The following SSH2 variants were observed in gnomAD, a reference collection of about 807,000 sequenced individuals.
The protein encoded by SSH2 is protein phosphatase Slingshot homolog 2.
SSH2 carries 37 observed loss-of-function variants against 135.2 expected under a neutral mutation model. The observed-to-expected ratio is 0.27, with a 90% CI of 0.21 to 0.36. The LOEUF is 0.36. Among genes scored for constraint, SSH2 ranks in the 10% least tolerant of loss-of-function variants. The pLI, the probability that SSH2 is intolerant of heterozygous loss-of-function variation, is 1.00. For missense variants in SSH2, 1,408 were observed against 1,765.3 expected (o/e 0.80, Z 3.63); for synonymous variants, 628 against 646.2 (o/e 0.97, Z 0.43).
At chr17:29,819,456 C>G (rs1310948908) in intron 2 of SSH2, among the ~76,000 whole-genome samples, 1 of 151,950 alleles carries the variant, frequency 6.6e-6, no homozygotes, top group African/African-American at 2.4e-5. Flanking sequence ...AAATAGTCAA[C>G]TGAAAATATG....
At chr17:29,691,493 CTCTTT>C (rs1277194498) in intron 5 of SSH2, among the ~76,000 whole-genome samples, 3 of 44,132 alleles carry the variant, frequency 6.8e-5, no homozygotes, top group African/African-American at 1.2e-4. Context: ...CCTATTTTCT[CTCTTT>C]TTTTTTTTTT....
Position 29,632,894 on chromosome 17 carries a change from T to C in SSH2, c.2300A>G (p.Gln767Arg). ...SELVSPDIFM[Q>R]SHSENAISVK... ...TGAAATTGCATTTTCCGAGTGAGAC[T>C]GCATGAAGATGTCTGGGCTGACCAG... The change falls in exon 16 of 16, where the codon CAG becomes CGG. Residue 767 changes from glutamine to arginine, a missense_variant. By Grantham distance (43) the Gln-to-Arg change is conservative. Transcript: ENST00000540801. 1.9e-6 allele frequency: 3 copies of C among 1,613,504 alleles called. No individual in the cohort carries two copies. The highest frequency in any genetic ancestry group is 4.5e-5 in the East Asian group (2 of 44,888).
intron 4 of SSH2, among the ~76,000 whole-genome samples, chr17:29,698,239 C>T (rs1468026171): frequency 6.6e-6 from 1 of 151,868 alleles, no homozygotes; most frequent in East Asian, 1.9e-4. Flanking sequence ...ATTTTCAGGG[C>T]GATAAAAATG....
chr17:29,739,492 G>T (rs1351096626), intron 3 of SSH2, among the ~76,000 whole-genome samples: 1 of 152,092 alleles, frequency 6.6e-6, no homozygotes, highest in Non-Finnish European at 1.5e-5. Flanking sequence ...CTATATATAA[G>T]GATCACTGCT....
intron 2 of SSH2, among the ~76,000 whole-genome samples, chr17:29,820,611 T>C (rs567737813): frequency 7.7e-4 from 118 of 152,352 alleles, no homozygotes; most frequent in African/African-American, 2.8e-3. Flanking sequence ...TTATGCTATC[T>C]ACAGTAAAAA....
intron 1 of SSH2, among the ~76,000 whole-genome samples, chr17:29,876,316 T>C (rs1475836205): frequency 6.6e-6 from 1 of 151,908 alleles, no homozygotes; most frequent in African/African-American, 2.4e-5. Context: ...TGGAACAGAA[T>C]AGAGAATCCA....
At chr17:29,926,188 C>G (rs1050998900) in intron 1 of SSH2, among the ~76,000 whole-genome samples, 4 of 152,046 alleles carry the variant, frequency 2.6e-5, no homozygotes, top group African/African-American at 9.7e-5. Context: ...TCACTGGCTC[C>G]ACTCATGGCC....
At chr17:29,654,351 C>G (rs2036699132) in intron 12 of SSH2, among the ~76,000 whole-genome samples, 1 of 151,982 alleles carries the variant, frequency 6.6e-6, no homozygotes, top group Non-Finnish European at 1.5e-5. Context: ...AGATTCCCCT[C>G]CCCACCCCCC....
At chr17:29,894,725 C>T (rs1279207273) in intron 1 of SSH2, among the ~76,000 whole-genome samples, 1 of 151,838 alleles carries the variant, frequency 6.6e-6, no homozygotes, top group Non-Finnish European at 1.5e-5. Flanking sequence ...TTAAACTGGC[C>T]CCAGTATTCT....
rs372478314 is a variant in SSH2, at chr17:29,897,579, T to C, written c.63+32359A>G. Among the ~76,000 whole-genome samples, 52 of 152,292 alleles carry C rather than the reference T, an allele frequency of 3.4e-4. No homozygotes were observed. In the East Asian group the frequency reaches 5.6e-3, roughly 16 times the overall value. ...GATCAGTTCAACAAGAAGAGCTAAC[T>C]ATCCTAAATATATATGCACCCAATA... On this transcript the variant is annotated intron_variant, in intron 1 of 15. Transcript: ENST00000540801.
chr17:29,858,287 C>T (rs2065700942), intron 1 of SSH2, among the ~76,000 whole-genome samples: 1 of 152,174 alleles, frequency 6.6e-6, no homozygotes, highest in South Asian at 2.1e-4. Flanking sequence ...ATGGCTTAAA[C>T]AACATACATT....
At position 29,636,026 on chromosome 17, in the gene SSH2, G is replaced by A. The variant is rs757382841; in HGVS notation, c.2204C>T (p.Ser735Phe). 1 of 1,614,206 alleles carries A rather than the reference G, an allele frequency of 6.2e-7. No homozygotes were observed. Among genetic ancestry groups the A allele is most frequent in the Non-Finnish European group, 8.5e-7 (1 of 1,180,028 alleles). The change falls in exon 15 of 16, where the codon TCT becomes TTT. Residue 735 changes from serine to phenylalanine, a missense_variant. Ser to Phe is a radical substitution (Grantham distance 155, BLOSUM62 -2). Transcript: ENST00000540801. ...TGATGCATGGGGAGTATTACTCAAA[G>A]AGCTGCTTCTCTGGTCATCAGCTGT... Reference protein sequence around the residue: ...KVTADDQRSSSLSNTPHASEE... With the variant: ...KVTADDQRSSFLSNTPHASEE...
chr17:29,909,103 C>T (rs2066717872), intron 1 of SSH2, among the ~76,000 whole-genome samples: 1 of 151,978 alleles, frequency 6.6e-6, no homozygotes, highest in Non-Finnish European at 1.5e-5. Context: ...TTTCTCCAAA[C>T]CTTAGCTTTA....
chr17:29,859,052 T>C (rs1157890638), intron 1 of SSH2, among the ~76,000 whole-genome samples: 1 of 152,142 alleles, frequency 6.6e-6, no homozygotes, highest in Non-Finnish European at 1.5e-5. Context: ...TCCAAAACTA[T>C]GAGAAAATAA....
intron 3 of SSH2, among the ~76,000 whole-genome samples, chr17:29,784,897 CACAT>C (rs1264372649): frequency 7.2e-5 from 11 of 152,138 alleles, no homozygotes; most frequent in Non-Finnish European, 1.2e-4. Flanking sequence ...AGCTCTGGCC[CACAT>C]TGCTTTTTTC....
intron 1 of SSH2, among the ~76,000 whole-genome samples, chr17:29,863,096 T>C (rs1254538793): frequency 6.6e-6 from 1 of 151,942 alleles, no homozygotes; most frequent in Non-Finnish European, 1.5e-5. Context: ...GGACAAAGAA[T>C]GTGCAACAGA....
intron 5 of SSH2, 96 bp from the exon 6 acceptor site, chr17:29,684,780 C>G: frequency 8.4e-7 from 1 of 1,185,948 alleles, no homozygotes. Context: ...AGCATACTCA[C>G]GAAGGCAGCA....
At chr17:29,633,462 C>A (rs1287452959) in intron 15 of SSH2, among the ~76,000 whole-genome samples, 1 of 152,162 alleles carries the variant, frequency 6.6e-6, no homozygotes, top group African/African-American at 2.4e-5. Flanking sequence ...AGACTCACTG[C>A]TCTCTTTCAC....
intron 3 of SSH2, among the ~76,000 whole-genome samples, chr17:29,750,447 A>C (rs574402651): frequency 1.3e-4 from 19 of 151,602 alleles, no homozygotes; most frequent in South Asian, 6.2e-4. Flanking sequence ...TCAAAAAAAA[A>C]AAAAAATTTT....
Sources: gnomAD v4.1 joint callset for allele counts (sites outside exome capture counted in the v4.1 genomes callset) on GRCh38, gnomAD v4.1.1 for gene constraint, MANE v1.5 for transcripts, NCBI Gene and HGNC (gene_info 2026-07-23, HGNC 2026-07-21) for gene names.